RSPH14: variants seen among roughly 807,000 people sequenced by gnomAD.
The protein encoded by RSPH14 is radial spoke head 14 homolog.
Under a neutral mutation model 26.7 loss-of-function variants are expected in RSPH14, and 20 were observed. The ratio of observed to expected loss-of-function variants is 0.75; its 90% CI spans 0.53 to 1.09. The LOEUF is 1.09. Ranked by LOEUF, RSPH14 falls within the 50% of genes least tolerant of loss-of-function variation. The pLI is 0.00. For synonymous variants in RSPH14, 177 were observed against 189.3 expected, an observed-to-expected ratio of 0.93 and a Z score of 0.53; for missense variants, 449 against 457.2, an observed-to-expected ratio of 0.98 and a Z score of 0.16.
chr22:23,067,636 C>T (rs1319832432), intron 4 of RSPH14, among the ~76,000 whole-genome samples: 3 of 152,214 alleles, frequency 2.0e-5, no homozygotes, highest in Admixed American at 2.0e-4. Context: ...TCTTCCTTTA[C>T]CACATGCTCT....
chr22:23,101,853 C>A (rs1018825966), intron 4 of RSPH14, among the ~76,000 whole-genome samples: 3 of 152,198 alleles, frequency 2.0e-5, no homozygotes, highest in Non-Finnish European at 2.9e-5. Context: ...GAGGACCAAG[C>A]CCACAGCAGC....
At chr22:23,149,499 A>C (rs1009782538), upstream of RSPH14, among the ~76,000 whole-genome samples, 10 of 152,212 alleles carry the variant, frequency 6.6e-5, no homozygotes, top group Non-Finnish European at 1.5e-4. Context: ...TTCCAGGCAC[A>C]TGTATGCATG....
the RSPH14 span, among the ~76,000 whole-genome samples, chr22:23,154,868 G>C: frequency 2.0e-5 from 3 of 152,222 alleles, no homozygotes; most frequent in Middle Eastern, 3.2e-3. Context: ...GCTCACACCT[G>C]TAATCCCAGC....
intron 4 of RSPH14, among the ~76,000 whole-genome samples, chr22:23,130,496 A>AAGAAAG (rs67156030): frequency 0.086 from 9,490 of 110,680 alleles, 1,457 homozygotes; most frequent in East Asian, 0.19. Context: ...GAAGGAAAGA[A>AAGAAAG]AAAGAAAGAA....
the RSPH14 span, chr22:23,160,948 T>C: frequency 2.2e-5 from 36 of 1,613,600 alleles, no homozygotes; most frequent in Non-Finnish European, 3.0e-5. Context: ...CTGCAGGACC[T>C]GGAGAGGCAG....
intron 4 of RSPH14, among the ~76,000 whole-genome samples, chr22:23,117,949 A>T (rs989244422): frequency 1.3e-5 from 2 of 152,170 alleles, no homozygotes; most frequent in African/African-American, 4.8e-5. Flanking sequence ...CTGACCTGGG[A>T]ATGTCCTTCC....
At chr22:23,122,761 G>A (rs144963379) in intron 4 of RSPH14, 57 of 347,408 alleles carry the variant, frequency 1.6e-4, no homozygotes, top group Admixed American at 1.1e-3. Context: ...AGCTGGAGGT[G>A]CCCAGCGGTT....
the RSPH14 span, among the ~76,000 whole-genome samples, chr22:23,171,835 T>A: frequency 1.1e-5 from 1 of 88,276 alleles, no homozygotes; most frequent in East Asian, 4.1e-4. Context: ...AGAGCAAAAC[T>A]CTGTCTCAAA....
chr22:23,166,038 T>C, the RSPH14 span, among the ~76,000 whole-genome samples: 1 of 150,186 alleles, frequency 6.7e-6, no homozygotes, highest in African/African-American at 2.4e-5. Context: ...CCCAGCTACT[T>C]GGGAGGCTGA....
the RSPH14 span, among the ~76,000 whole-genome samples, chr22:23,167,858 T>A: frequency 6.6e-6 from 1 of 151,954 alleles, no homozygotes; most frequent in East Asian, 1.9e-4. Flanking sequence ...ATTGACTAAT[T>A]CTCATTTTTT....
chr22:23,062,894 G>A lies in RSPH14; in HGVS notation c.654-949C>T, dbSNP rs912132235. 2.6e-5 allele frequency among the ~76,000 whole-genome samples: 4 copies of A among 152,228 alleles called. No individual in the cohort carries two copies. In the South Asian group the frequency reaches 8.3e-4, roughly 32 times the overall value. On this transcript the variant is annotated intron_variant, in intron 5 of 6. Coordinates refer to ENST00000216036, the MANE Select transcript of RSPH14 (RefSeq NM_014433.3). The stretch of plus-strand genomic sequence containing the variant: ...TTTCTCCAGCTCAGTGTTCTTTAGG[G>A]CCAGATAATTCTCAACTGGGAGCCA...
chr22:23,082,280 G>T (rs867750678), intron 4 of RSPH14, among the ~76,000 whole-genome samples: 1 of 149,962 alleles, frequency 6.7e-6, no homozygotes, highest in African/African-American at 2.4e-5. Flanking sequence ...GTAATGGCGC[G>T]ATCTCGGCTC....
intron 4 of RSPH14, among the ~76,000 whole-genome samples, chr22:23,106,736 A>G (rs2069491052): frequency 6.6e-6 from 1 of 152,252 alleles, no homozygotes; most frequent in South Asian, 2.1e-4. Context: ...GGTGCACTGC[A>G]TGCACAACCT....
intron 4 of RSPH14, among the ~76,000 whole-genome samples, chr22:23,066,661 G>A (rs73878637): frequency 0.012 from 1,854 of 152,248 alleles, 40 homozygotes; most frequent in African/African-American, 0.043. Context: ...CCAGATCTGC[G>A]ATGGCTTGCT....
the RSPH14 span, chr22:23,159,290 G>C: frequency 6.5e-7 from 1 of 1,542,648 alleles, no homozygotes; most frequent in Non-Finnish European, 8.8e-7. Flanking sequence ...GTGGGGCAGA[G>C]CCCTGCTCTT....
At chr22:23,062,033 A>T in intron 5 of RSPH14, 88 bp from the exon 6 acceptor site, 1 of 1,505,380 alleles carries the variant, frequency 6.6e-7, no homozygotes, top group Non-Finnish European at 9.0e-7. Context: ...ACACAAAAGA[A>T]ATAATTGTGT....
At chr22:23,092,657 T>G (rs534961533) in intron 4 of RSPH14, among the ~76,000 whole-genome samples, 56 of 152,196 alleles carry the variant, frequency 3.7e-4, no homozygotes, top group African/African-American at 1.3e-3. Flanking sequence ...AGCCCTTAGC[T>G]CCAGGCTTCC....
intron 4 of RSPH14, among the ~76,000 whole-genome samples, chr22:23,086,298 G>A (rs760836843): frequency 2.0e-5 from 3 of 152,192 alleles, no homozygotes; most frequent in Non-Finnish European, 4.4e-5. Context: ...AGGCCACCCC[G>A]GGAAATCACC....
chr22:23,167,401 A>G, the RSPH14 span, among the ~76,000 whole-genome samples: 1 of 152,128 alleles, frequency 6.6e-6, no homozygotes, highest in Non-Finnish European at 1.5e-5. Context: ...CAGGGACCGG[A>G]GCAAGGCAGT....
Sources: gnomAD v4.1 joint callset for allele counts (sites outside exome capture counted in the v4.1 genomes callset) on GRCh38, gnomAD v4.1.1 for gene constraint, MANE v1.5 for transcripts, NCBI Gene and HGNC (gene_info 2026-07-23, HGNC 2026-07-21) for gene names.